PTPRN2: variants seen among roughly 807,000 people sequenced by gnomAD.
PTPRN2 encodes receptor-type tyrosine-protein phosphatase N2.
Under a neutral mutation model 118.8 loss-of-function variants are expected in PTPRN2, and 74 were observed. That is an observed-to-expected ratio of 0.62 (90% CI 0.52 to 0.76). The LOEUF (loss-of-function observed/expected upper bound fraction) is 0.76. Ranked by LOEUF, PTPRN2 falls within the 30% of genes least tolerant of loss-of-function variation. The pLI is 0.00. For missense variants in PTPRN2, 1,481 were observed against 1,394.4 expected (o/e 1.06, Z -0.99); for synonymous variants, 641 against 608.0 (o/e 1.05, Z -0.80).
intron 12 of PTPRN2, among the ~76,000 whole-genome samples, chr7:157,747,794 T>C (rs1801086966): frequency 4.0e-5 from 5 of 126,212 alleles, no homozygotes; most frequent in Admixed American, 8.3e-5. Context: ...CCCTGAGCTG[T>C]GGGCTGTTGA....
At chr7:157,913,441 T>A (rs1452788654) in intron 11 of PTPRN2, among the ~76,000 whole-genome samples, 1 of 152,216 alleles carries the variant, frequency 6.6e-6, no homozygotes, top group South Asian at 2.1e-4. Context: ...CTCCTACAAA[T>A]GCTTGTAAGG....
chr7:158,578,990 T>C (rs1828493210), intron 1 of PTPRN2, among the ~76,000 whole-genome samples: 1 of 152,170 alleles, frequency 6.6e-6, no homozygotes, highest in African/African-American at 2.4e-5. Flanking sequence ...CTCGAACTCC[T>C]GACCTCAGAT....
intron 12 of PTPRN2, among the ~76,000 whole-genome samples, chr7:157,833,607 G>C (rs1365808937): frequency 6.6e-6 from 1 of 152,234 alleles, no homozygotes; most frequent in African/African-American, 2.4e-5. Flanking sequence ...CAGGAAGTGT[G>C]TGACGTGGCC....
rs550537020 is a variant in PTPRN2, at chr7:157,581,901, C to T, written c.2497-3761G>A. On this transcript the variant is annotated intron_variant, in intron 17 of 22. Coordinates refer to ENST00000389418, the MANE Select transcript of PTPRN2 (RefSeq NM_002847.5). ...CTCGAGAAGGCACAGACACGGAGAG[C>T]GGCCACGCGCAGACAGGCAGAGATG... Among the ~76,000 whole-genome samples the T allele has an allele frequency of 9.8e-5, 15 of 152,322 alleles. No individual in the cohort carries two copies. In the South Asian group the frequency reaches 2.5e-3, roughly 25 times the overall value.
intron 11 of PTPRN2, among the ~76,000 whole-genome samples, chr7:158,053,565 G>T (rs1809492801): frequency 6.6e-6 from 1 of 152,220 alleles, no homozygotes; most frequent in Non-Finnish European, 1.5e-5. Flanking sequence ...CATTTTCCTG[G>T]TGTGTTTTAT....
intron 3 of PTPRN2, among the ~76,000 whole-genome samples, chr7:158,269,909 GACAGAGAA>G (rs1798191176): frequency 9.0e-6 from 1 of 110,838 alleles, no homozygotes; most frequent in Non-Finnish European, 1.8e-5. Context: ...GAGACATAGA[GACAGAGAA>G]ACAGAGAGAC....
In PTPRN2 at chr7:157,880,752, C is replaced by T. The variant is rs140656559; in HGVS notation, c.1788+17921G>A. On this transcript the variant is annotated intron_variant, in intron 12 of 22. Coordinates refer to ENST00000389418, the MANE Select transcript of PTPRN2 (RefSeq NM_002847.5). ...TATCCTATTATCCTTCTAAAAATCG[C>T]GCTAAATTTTATTCATGTATTTATT... Among the ~76,000 whole-genome samples the T allele has an allele frequency of 8.8e-4, 134 of 152,306 alleles. 1 individual carries two copies. Among genetic ancestry groups the T allele is most frequent in the Admixed American group, 1.6e-3 (24 of 15,302 alleles).
chr7:158,500,058 T>C (rs1051145004), intron 1 of PTPRN2, among the ~76,000 whole-genome samples: 18 of 151,332 alleles, frequency 1.2e-4, no homozygotes, highest in African/African-American at 4.4e-4. Context: ...AAAAGGTTTA[T>C]TTTGAAAACT....
chr7:158,091,632 G>T (rs548351457), intron 10 of PTPRN2, among the ~76,000 whole-genome samples: 1 of 149,766 alleles, frequency 6.7e-6, no homozygotes, highest in African/African-American at 2.5e-5. Flanking sequence ...GAGTGGGTGG[G>T]TGGGTGAGAG....
chr7:158,374,769 G>A (rs756150820), intron 2 of PTPRN2, among the ~76,000 whole-genome samples: 15 of 152,160 alleles, frequency 9.9e-5, no homozygotes, highest in Non-Finnish European at 1.9e-4. Context: ...ATCGTGCAAA[G>A]GAATGGGAGA....
At position 157,986,440 on chromosome 7, in the gene PTPRN2, T is replaced by G. The variant is rs1055034603; in HGVS notation, c.1724-87703A>C. Among the ~76,000 whole-genome samples the G allele has an allele frequency of 3.3e-5, 5 of 152,202 alleles. No homozygotes were observed. Among genetic ancestry groups the G allele is most frequent in the Admixed American group, 3.3e-4 (5 of 15,284 alleles). On this transcript the variant is annotated intron_variant, in intron 11 of 22. Coordinates refer to ENST00000389418, the MANE Select transcript of PTPRN2 (RefSeq NM_002847.5). This position sits in a 1 kb window ranked among gnomAD's most constrained non-coding sequence, Gnocchi z 4.5. ...GGCACCCCGTGTGTGGTCACCGTGG[T>G]CAGTGGCAGAGGTGGGGCTGGAGGT...
intron 3 of PTPRN2, among the ~76,000 whole-genome samples, chr7:158,244,227 G>T (rs1199806180): frequency 7.5e-6 from 1 of 133,814 alleles, no homozygotes; most frequent in East Asian, 2.3e-4. Context: ...GCTAGCTCCT[G>T]CTTCTTCACT....
At chr7:157,654,303 C>T (rs1406703435) in intron 14 of PTPRN2, among the ~76,000 whole-genome samples, 1 of 148,644 alleles carries the variant, frequency 6.7e-6, no homozygotes, top group Non-Finnish European at 1.5e-5. Context: ...GCTCCCCACA[C>T]CCTCCCCAAC....
chr7:158,143,627 C>T (rs1017565263), intron 6 of PTPRN2, among the ~76,000 whole-genome samples: 3 of 152,188 alleles, frequency 2.0e-5, no homozygotes, highest in South Asian at 2.1e-4. Context: ...AACACAGGCT[C>T]GGCTGCCCAG....
intron 21 of PTPRN2, among the ~76,000 whole-genome samples, chr7:157,554,872 C>G (rs142304104): frequency 3.8e-4 from 58 of 152,368 alleles, no homozygotes; most frequent in African/African-American, 1.3e-3. Flanking sequence ...AGTGGAGCCA[C>G]TTTCTGCTAC....
intron 12 of PTPRN2, among the ~76,000 whole-genome samples, chr7:157,811,481 C>T (rs1370727651): frequency 2.0e-5 from 3 of 151,926 alleles, no homozygotes; most frequent in Admixed American, 6.6e-5. Flanking sequence ...TGTTCAACGT[C>T]TTGAGATTTC....
chr7:158,065,573 T>C (rs78976933), intron 11 of PTPRN2, among the ~76,000 whole-genome samples: 1,938 of 152,236 alleles, frequency 0.013, 25 homozygotes, highest in East Asian at 0.067. Context: ...GATGGAGCCA[T>C]CAGACCCGGG....
intron 4 of PTPRN2, among the ~76,000 whole-genome samples, chr7:158,202,854 G>A (rs1826744255): frequency 6.6e-6 from 1 of 152,084 alleles, no homozygotes; most frequent in African/African-American, 2.4e-5. Flanking sequence ...GAAATATAAA[G>A]AACCTATAAT....
chr7:158,337,769 A>C (rs62481686), intron 2 of PTPRN2, among the ~76,000 whole-genome samples: 1 of 23,302 alleles, frequency 4.3e-5, no homozygotes, highest in African/African-American at 1.9e-4. Flanking sequence ...GACACCTGCA[A>C]ACGTCACTCA....
Sources: allele counts gnomAD v4.1 joint callset (sites outside exome capture counted in the v4.1 genomes callset), GRCh38; gene constraint gnomAD v4.1.1; non-coding constraint Gnocchi (gnomAD v3.1); transcripts MANE v1.5; gene names NCBI Gene and HGNC (gene_info 2026-07-23, HGNC 2026-07-21).